The following TK2 variants were observed in gnomAD, a reference collection of about 807,000 sequenced individuals.
TK2 encodes thymidine kinase 2, also known as thymidine kinase 2, mitochondrial.
Under a neutral mutation model 41.9 loss-of-function variants are expected in TK2, and 35 were observed. The observed-to-expected ratio is 0.84, with a 90% CI of 0.64 to 1.11. The LOEUF is 1.11. TK2 is among the 50% of genes least tolerant of loss of function. TK2 has a pLI of 0.00. For missense variants in TK2, 320 were observed against 351.1 expected (o/e 0.91, Z 0.71); for synonymous variants, 128 against 129.1 (o/e 0.99, Z 0.06).
chr16:66,549,857 G>A (rs1010358840), intron 1 of TK2, 81 bp downstream of exon 1: 3 of 1,285,372 alleles, frequency 2.3e-6, no homozygotes, highest in Non-Finnish European at 2.9e-6. Flanking sequence ...CTTCGGGCTC[G>A]GGCGGGTTCC....
chr16:66,550,183 C>A, upstream of TK2: 1 of 1,612,310 alleles, frequency 6.2e-7, no homozygotes, highest in African/African-American at 1.3e-5. Context: ...GAGACCCGGT[C>A]GCATTTCATC....
chr16:66,546,753 A>AT (rs201152895), intron 2 of TK2: 1,362 of 135,762 alleles, frequency 0.01, 12 homozygotes, highest in African/African-American at 0.023. Flanking sequence ...CTACTATTTG[A>AT]TTTTTTTTTT....
At chr16:66,534,007 C>CAAA (rs11383723) in intron 4 of TK2, among the ~76,000 whole-genome samples, 70 of 96,938 alleles carry the variant, frequency 7.2e-4, no homozygotes, top group Admixed American at 1.3e-3. Flanking sequence ...GACTCTGTCT[C>CAAA]AAAAAAAAAA....
chr16:66,511,393 C>T lies in TK2; in HGVS notation c.*575G>A. ...AGCTCCGCACACTGCCAGCTCTCCC[C>T]AAAGAGACATGAGAGCCTCCAACCG... On this transcript the variant is annotated 3_prime_UTR_variant, in exon 10 of 10. Transcript: ENST00000544898. 5.2e-6 allele frequency: 1 copy of T among 192,832 alleles called. No homozygotes were observed. Among genetic ancestry groups the T allele is most frequent in the Non-Finnish European group, 1.1e-5 (1 of 91,936 alleles). The allele number at this position is 192,832 out of a possible 1,614,324, so 11.9% of individuals were successfully genotyped here. A position where few individuals can be genotyped will look rare whatever the true frequency, so the allele number is the denominator to read the frequency against.
Position 66,541,898 on chromosome 16 carries a change from GAGA to G in TK2, c.209_211del (p.Phe70del). On this transcript the variant is annotated inframe_deletion, in exon 3 of 10. Transcript: ENST00000544898. ...CTGTACCTCGACGTCTGTCGCGTTG[GAGA>G]AGAATTCCAGGCATGTCGTCTTCCC... is the stretch of plus-strand genomic sequence containing the variant. 5.0e-6 allele frequency: 8 copies of G among 1,614,114 alleles called. No homozygotes were observed. The highest frequency in any genetic ancestry group is 6.8e-6 in the Non-Finnish European group (8 of 1,180,018).
chr16:66,513,110 T>C (rs966870466), intron 9 of TK2, among the ~76,000 whole-genome samples: 1 of 152,080 alleles, frequency 6.6e-6, no homozygotes, highest in African/African-American at 2.4e-5. Flanking sequence ...AGTAAAGAAA[T>C]CTGGAAACAG....
intron 5 of TK2, among the ~76,000 whole-genome samples, chr16:66,531,143 T>C (rs1450980395): frequency 6.6e-6 from 1 of 152,164 alleles, no homozygotes; most frequent in Non-Finnish European, 1.5e-5. Flanking sequence ...CATAAAGATG[T>C]GAGCTCAGAA....
chr16:66,515,135 C>T (rs1166919195), intron 8 of TK2, among the ~76,000 whole-genome samples: 1 of 151,642 alleles, frequency 6.6e-6, no homozygotes, highest in African/African-American at 2.4e-5. Context: ...AAATCCCCCT[C>T]TCCGAGAAAC....
chr16:66,528,093 A>C (rs1400345732), intron 6 of TK2, among the ~76,000 whole-genome samples: 1 of 152,188 alleles, frequency 6.6e-6, no homozygotes, highest in African/African-American at 2.4e-5. Flanking sequence ...CCCTATCTAG[A>C]CAGCGTGGTC....
At chr16:66,537,108 G>A in intron 3 of TK2, 91 bp from the exon 4 acceptor site, 1 of 1,562,562 alleles carries the variant, frequency 6.4e-7, no homozygotes, top group Non-Finnish European at 8.8e-7. Context: ...AGGAGAGAAG[G>A]GAAAAAGAGA....
intron 3 of TK2, among the ~76,000 whole-genome samples, chr16:66,538,377 C>T (rs1965352693): frequency 1.3e-5 from 2 of 152,116 alleles, no homozygotes; most frequent in Admixed American, 1.3e-4. Flanking sequence ...CCTCTCAAAC[C>T]CCCTCTCCTT....
At position 66,550,118 on chromosome 16, in the gene TK2, C is replaced by T. The variant is rs892909471; in HGVS notation, c.-57G>A. ...TCCTTCTTGTGCGAGTCGGCGCGGACGACTGCTAGTCCAGCCGTTGGGCGC... is the reference window on the plus strand; with the variant it reads ...TCCTTCTTGTGCGAGTCGGCGCGGATGACTGCTAGTCCAGCCGTTGGGCGC... On this transcript the variant is annotated 5_prime_UTR_variant, in exon 1 of 10. Coordinates refer to ENST00000544898, the MANE Select transcript of TK2 (RefSeq NM_004614.5). 10 of 1,611,000 alleles carry T rather than the reference C, an allele frequency of 6.2e-6. No individual in the cohort carries two copies. Among genetic ancestry groups the T allele is most frequent in the Non-Finnish European group, 8.5e-6 (10 of 1,179,516 alleles).
At chr16:66,548,600 G>C (rs7191325) in intron 2 of TK2, 1 of 259,632 alleles carries the variant, frequency 3.9e-6, no homozygotes, top group Non-Finnish European at 7.5e-6. Flanking sequence ...TCTCAACACT[G>C]GGGGGAGAGG....
chr16:66,547,197 C>T (rs1048169487), intron 2 of TK2, among the ~76,000 whole-genome samples: 3 of 152,186 alleles, frequency 2.0e-5, no homozygotes, highest in African/African-American at 7.2e-5. Context: ...TCCTCACCCA[C>T]CAACACCAGT....
chr16:66,525,266 T>C (rs574954516), intron 6 of TK2, among the ~76,000 whole-genome samples: 1 of 152,324 alleles, frequency 6.6e-6, no homozygotes, highest in Non-Finnish European at 1.5e-5. Flanking sequence ...CTCTGGGGTA[T>C]GTGGCTGAGG....
chr16:66,531,309 TC>T, intron 5 of TK2, 70 bp downstream of exon 5: 1 of 1,481,806 alleles, frequency 6.7e-7, no homozygotes, highest in East Asian at 2.3e-5. Flanking sequence ...AAGTTTCCCT[TC>T]CTGGCAATCA....
Position 66,512,011 on chromosome 16 carries a change from C to T in TK2, c.755G>A (p.Arg252Gln), listed in dbSNP as rs772329162. 33 of 1,614,028 alleles carry T rather than the reference C, an allele frequency of 2.0e-5. No individual in the cohort carries two copies. In the East Asian group the frequency reaches 6.7e-4, roughly 33 times the overall value. Residue 252 changes from arginine (R) to glutamine (Q), a missense_variant, in exon 10 of 10, where the codon CGG (arginine) becomes CAG (glutamine). Arg to Gln is a conservative substitution (Grantham distance 43). Transcript: ENST00000544898. ...ERMLELFEQNRDRILTPENRK... is the reference protein window; with the variant it reads ...ERMLELFEQNQDRILTPENRK... ...ATTCTCTGGAGTTAATATTCGATCC[C>T]GATTTTGTTCAAAGAGTTCTAACAT...
rs761795822 is a variant in TK2 at position 66,537,011 on chromosome 16, T to C, written c.238A>G (p.Thr80Ala). The change falls in exon 4 of 10, where the codon ACG becomes GCG. Residue 80 changes from threonine (T) to alanine (A), a missense_variant. By Grantham distance (58) the Thr-to-Ala change is moderately conservative. Transcript: ENST00000544898. ...FSNATDVEVL[T>A]EPVSKWRNVR... Reference sequence around the variant, plus strand: ...TTTCTCCACTTGGACACAGGCTCCGTTAACACCTGGAAGGAAAGAAAACAT... The same window carrying C: ...TTTCTCCACTTGGACACAGGCTCCGCTAACACCTGGAAGGAAAGAAAACAT... The C allele has an allele frequency of 6.2e-7, 1 of 1,614,122 alleles. No individual in the cohort carries two copies. Among genetic ancestry groups the C allele is most frequent in the Non-Finnish European group, 8.5e-7 (1 of 1,180,022 alleles).
At position 66,515,553 on chromosome 16, in the gene TK2, G is replaced by T. The variant is rs550326297; in HGVS notation, c.618+1583C>A. Among the ~76,000 whole-genome samples, 7 of 152,352 alleles carry T rather than the reference G, an allele frequency of 4.6e-5. No individual in the cohort carries two copies. In the South Asian group the frequency reaches 1.4e-3, roughly 32 times the overall value. ...CACTCGCCATCCCAGAGGCTCGCGT[G>T]TCAACTCTGCAGCAGCCTTTACATC... On this transcript the variant is annotated intron_variant, in intron 8 of 9. Coordinates refer to ENST00000544898, the MANE Select transcript of TK2 (RefSeq NM_004614.5).
Sources: allele counts gnomAD v4.1 joint callset (sites outside exome capture counted in the v4.1 genomes callset), GRCh38; gene constraint gnomAD v4.1.1; transcripts MANE v1.5; gene names NCBI Gene and HGNC (gene_info 2026-07-23, HGNC 2026-07-21).